Variants in SNX13 observed in about 807,000 individuals in gnomAD.
SNX13 encodes the protein sorting nexin 13.
In SNX13, 45 loss-of-function variants were observed where a neutral mutation model predicts 133.6. The observed-to-expected ratio is 0.34, with a 90% CI of 0.27 to 0.43. The LOEUF (loss-of-function observed/expected upper bound fraction) is 0.43. Ranked by LOEUF, SNX13 falls within the 20% of genes least tolerant of loss-of-function variation. The pLI, the probability that SNX13 is intolerant of heterozygous loss-of-function variation, is 1.00. For synonymous variants in SNX13, 414 were observed against 373.9 expected (o/e 1.11, Z -1.24); for missense variants, 1,032 against 1,145.1 (o/e 0.90, Z 1.43).
intron 1 of SNX13, among the ~76,000 whole-genome samples, chr7:17,906,106 C>A (rs1463418457): frequency 6.6e-6 from 1 of 151,878 alleles, no homozygotes; most frequent in African/African-American, 2.4e-5. Context: ...ATTTTAAAAC[C>A]ATATATAAAT....
chr7:17,845,475 A>G (rs569492612), intron 12 of SNX13, 120 bp downstream of exon 12: 3 of 608,624 alleles, frequency 4.9e-6, no homozygotes, highest in East Asian at 6.1e-5. Context: ...AATACATTTA[A>G]TATCACTGAA....
In SNX13 at chr7:17,801,702, G is replaced by C. The variant is rs376008253; in HGVS notation, c.2227-43C>G. The C allele has an allele frequency of 1.2e-5, 17 of 1,416,090 alleles. No individual in the cohort carries two copies. The South Asian group carries it at 2.1e-4, about 18-fold the overall frequency. 87.7% of individuals were successfully genotyped at this position (1,416,090 alleles called of 1,614,324 possible). ...TCCACAAAGTAAACACACTAAAGCA[G>C]ACAGTGAAAGAACACAACACAATCA... On this transcript the variant is annotated intron_variant, in intron 21 of 25. Coordinates refer to ENST00000428135, the MANE Select transcript of SNX13 (RefSeq NM_015132.5).
In SNX13 at chr7:17,801,702, G is replaced by A. The variant is rs376008253; in HGVS notation, c.2227-43C>T. The A allele has an allele frequency of 1.1e-5, 15 of 1,416,092 alleles. No individual in the cohort carries two copies. The African/African-American group carries it at 1.7e-4, about 16-fold the overall frequency. 87.7% of individuals were successfully genotyped at this position (1,416,092 alleles called of 1,614,324 possible). A position where few individuals can be genotyped will look rare whatever the true frequency, so the allele number is the denominator to read the frequency against. On this transcript the variant is annotated intron_variant, in intron 21 of 25. Coordinates refer to ENST00000428135, the MANE Select transcript of SNX13 (RefSeq NM_015132.5). Reference sequence around the variant, plus strand: ...TCCACAAAGTAAACACACTAAAGCAGACAGTGAAAGAACACAACACAATCA... The same window carrying A: ...TCCACAAAGTAAACACACTAAAGCAAACAGTGAAAGAACACAACACAATCA...
intron 1 of SNX13, among the ~76,000 whole-genome samples, chr7:17,923,509 T>G (rs1800368744): frequency 6.6e-6 from 1 of 152,126 alleles, no homozygotes; most frequent in Non-Finnish European, 1.5e-5. Context: ...ATACCATGAT[T>G]TGAGCTATAA....
At chr7:17,888,835 A>G (rs1796299535) in intron 5 of SNX13, 1 of 420,240 alleles carries the variant, frequency 2.4e-6, no homozygotes, top group Non-Finnish European at 4.8e-6. Flanking sequence ...CTTATTTTAC[A>G]TATGAGAAAA....
intron 11 of SNX13, among the ~76,000 whole-genome samples, chr7:17,849,279 CTTGAG>C (rs575589578): frequency 2.0e-5 from 3 of 152,234 alleles, no homozygotes; most frequent in Admixed American, 6.5e-5. Context: ...TGAAATTATC[CTTGAG>C]TTATTTTTTC....
At chr7:17,901,950 TTC>T (rs1797886410) in intron 1 of SNX13, among the ~76,000 whole-genome samples, 1 of 152,184 alleles carries the variant, frequency 6.6e-6, no homozygotes, top group Non-Finnish European at 1.5e-5. Flanking sequence ...AAATGTTTTA[TTC>T]TCTCTTATGT....
In SNX13 at chr7:17,875,502, G is replaced by C; in HGVS notation, c.642C>G (p.Cys214Trp). 1 of 1,609,332 alleles carries C rather than the reference G, an allele frequency of 6.2e-7. No homozygotes were observed. Among genetic ancestry groups the C allele is most frequent in the Non-Finnish European group, 8.5e-7 (1 of 1,178,966 alleles). The change falls in exon 7 of 26, where the codon TGC (cysteine) becomes TGG (tryptophan). Residue 214 changes from cysteine (C) to tryptophan (W), a missense_variant. Transcript: ENST00000428135. ...MEKEVCRDLV[C>W]TSPKDEEGFL... ...AACCTTCTTCATCTTTGGGGGAAGTGCACACTAGATCACGGCAAACCTCCT... is the reference window on the plus strand; with the variant it reads ...AACCTTCTTCATCTTTGGGGGAAGTCCACACTAGATCACGGCAAACCTCCT...
chr7:17,858,318 T>C (rs1212868609), intron 9 of SNX13, among the ~76,000 whole-genome samples: 1 of 152,094 alleles, frequency 6.6e-6, no homozygotes, highest in Admixed American at 6.5e-5. Flanking sequence ...AATCAACATA[T>C]AATACTGAGT....
intron 20 of SNX13, among the ~76,000 whole-genome samples, chr7:17,811,319 C>CA (rs1277110342): frequency 8.5e-5 from 13 of 152,182 alleles, no homozygotes; most frequent in African/African-American, 3.1e-4. Flanking sequence ...GATACAAAAT[C>CA]AATGTGCAAA....
intron 9 of SNX13, among the ~76,000 whole-genome samples, chr7:17,861,374 AC>A (rs1792669833): frequency 6.6e-6 from 1 of 151,214 alleles, no homozygotes; most frequent in Non-Finnish European, 1.5e-5. Flanking sequence ...ACACACACAC[AC>A]ACACACAGTG....
intron 5 of SNX13, chr7:17,882,709 A>G: frequency 1.2e-6 from 1 of 833,480 alleles, no homozygotes; most frequent in Non-Finnish European, 1.5e-6. Context: ...CATGATTGAA[A>G]AGAAATCAAG....
chr7:17,820,128 T>C (rs1400599631), intron 18 of SNX13, among the ~76,000 whole-genome samples: 4 of 152,172 alleles, frequency 2.6e-5, no homozygotes, highest in African/African-American at 4.8e-5. Flanking sequence ...AGTTCTAGTC[T>C]AGAACATTTA....
intron 16 of SNX13, among the ~76,000 whole-genome samples, chr7:17,827,784 G>C (rs1458186023): frequency 2.0e-5 from 3 of 151,816 alleles, no homozygotes; most frequent in Middle Eastern, 3.4e-3. Context: ...AAAAAAAGGA[G>C]TGCATTTATT....
intron 8 of SNX13, among the ~76,000 whole-genome samples, chr7:17,869,022 G>C (rs1793732474): frequency 6.6e-6 from 1 of 152,048 alleles, no homozygotes; most frequent in South Asian, 2.1e-4. Context: ...TAAAATAATA[G>C]ATATGTTAAT....
chr7:17,886,554 C>A (rs1310486107), intron 5 of SNX13, among the ~76,000 whole-genome samples: 1 of 151,776 alleles, frequency 6.6e-6, no homozygotes, highest in Non-Finnish European at 1.5e-5. Context: ...CATGCCACTG[C>A]ACTCCAGCCT....
At chr7:17,795,197 CATAA>C (rs1319916459) in intron 25 of SNX13, 2 of 151,636 alleles carry the variant, frequency 1.3e-5, no homozygotes, top group East Asian at 1.9e-4. Flanking sequence ...GGTGTTTAAT[CATAA>C]ATAACACCAA....
At chr7:17,839,523 A>G (rs1789610138) in intron 13 of SNX13, among the ~76,000 whole-genome samples, 3 of 151,774 alleles carry the variant, frequency 2.0e-5, no homozygotes, top group South Asian at 2.1e-4. Context: ...TTACTTTTGC[A>G]TGGTTTATCT....
chr7:17,830,219 T>C (rs1788334563), intron 15 of SNX13, 172 bp from the exon 16 acceptor site: 1 of 970,636 alleles, frequency 1.0e-6, no homozygotes, highest in South Asian at 4.8e-5. Flanking sequence ...TCCCTTAAAG[T>C]CCCATGGTTT....
Sources: allele counts gnomAD v4.1 joint callset (sites outside exome capture counted in the v4.1 genomes callset), GRCh38; gene constraint gnomAD v4.1.1; transcripts MANE v1.5; gene names NCBI Gene and HGNC (gene_info 2026-07-23, HGNC 2026-07-21).